Variants in CTNNA2 observed in about 807,000 individuals in gnomAD.
CTNNA2 encodes the protein catenin alpha 2.
CTNNA2 carries 42 observed loss-of-function variants against 101.0 expected under a neutral mutation model. That is an observed-to-expected ratio of 0.42 (90% CI 0.32 to 0.54). The LOEUF (loss-of-function observed/expected upper bound fraction) is 0.54, where lower values mean the gene tolerates loss of function less well. Among genes scored for constraint, CTNNA2 ranks in the 20% least tolerant of loss-of-function variants. CTNNA2 has a pLI of 0.14. For missense variants in CTNNA2, 871 were observed against 1,223.1 expected, an observed-to-expected ratio of 0.71 and a Z score of 4.29; for synonymous variants, 450 against 456.4, an observed-to-expected ratio of 0.99 and a Z score of 0.18.
chr2:80,631,340 T>C (rs1309306217), intron 18 of CTNNA2, among the ~76,000 whole-genome samples: 2 of 150,844 alleles, frequency 1.3e-5, no homozygotes, highest in African/African-American at 2.4e-5. Context: ...AACTTGAGGC[T>C]TTCTTTCAAA....
At chr2:79,198,643 A>C (rs1383958141) in intron 2 of CTNNA2, among the ~76,000 whole-genome samples, 2 of 152,226 alleles carry the variant, frequency 1.3e-5, no homozygotes, top group Non-Finnish European at 2.9e-5. Flanking sequence ...TAATTCTACC[A>C]TATAGCTCTT....
chr2:79,380,274 G>A (rs747292897), intron 4 of CTNNA2, among the ~76,000 whole-genome samples: 14 of 141,382 alleles, frequency 9.9e-5, no homozygotes, highest in Admixed American at 2.9e-4. Flanking sequence ...TTTTTTTTCC[G>A]TGACTAAGAA....
chr2:80,598,323 G>A (rs1010859328), intron 15 of CTNNA2, among the ~76,000 whole-genome samples: 1 of 152,128 alleles, frequency 6.6e-6, no homozygotes, highest in Non-Finnish European at 1.5e-5. Context: ...GCAAGGGAAG[G>A]AAGAGCATTA....
intron 1 of CTNNA2, among the ~76,000 whole-genome samples, chr2:79,521,820 C>G (rs1159236150): frequency 6.6e-6 from 1 of 152,052 alleles, no homozygotes; most frequent in Non-Finnish European, 1.5e-5. Flanking sequence ...CAACGTGGCA[C>G]AAGAAGGAGA....
chr2:79,201,643 G>C (rs752670125), intron 2 of CTNNA2, among the ~76,000 whole-genome samples: 4 of 152,086 alleles, frequency 2.6e-5, no homozygotes, highest in Non-Finnish European at 2.9e-5. Flanking sequence ...GGATTCTCTG[G>C]AGGGGGAGCT....
At chr2:80,454,356 T>G (rs1683780471) in intron 9 of CTNNA2, among the ~76,000 whole-genome samples, 1 of 152,084 alleles carries the variant, frequency 6.6e-6, no homozygotes, top group Non-Finnish European at 1.5e-5. Context: ...CGATGCAGAG[T>G]TCACCTCGGG....
intron 2 of CTNNA2, among the ~76,000 whole-genome samples, chr2:79,200,127 T>C (rs1674014025): frequency 6.6e-6 from 1 of 152,186 alleles, no homozygotes. Flanking sequence ...ATCCTGCCTG[T>C]AATCCCAGCA....
chr2:79,640,254 T>C (rs543346055), intron 1 of CTNNA2, among the ~76,000 whole-genome samples: 30 of 152,170 alleles, frequency 2.0e-4, no homozygotes, highest in African/African-American at 6.7e-4. Flanking sequence ...CCTAAAGAGG[T>C]TGGGACCTGA....
chr2:79,889,021 T>G (rs1684103279), intron 6 of CTNNA2, among the ~76,000 whole-genome samples: 1 of 152,246 alleles, frequency 6.6e-6, no homozygotes, highest in Admixed American at 6.5e-5. Flanking sequence ...AATACTTTAG[T>G]CTTTCTGTGT....
chr2:80,594,394 A>T (rs949568924), intron 15 of CTNNA2, among the ~76,000 whole-genome samples: 3 of 151,928 alleles, frequency 2.0e-5, no homozygotes, highest in Non-Finnish European at 4.4e-5. Flanking sequence ...CCGGATATTA[A>T]TTTCTTATCA....
intron 7 of CTNNA2, among the ~76,000 whole-genome samples, chr2:80,008,437 G>T (rs1693531747): frequency 6.6e-6 from 1 of 152,144 alleles, no homozygotes; most frequent in Non-Finnish European, 1.5e-5. Context: ...ATTAAGAGGA[G>T]GGGTGGCTGC....
At chr2:80,248,580 C>T (rs76341460) in intron 7 of CTNNA2, among the ~76,000 whole-genome samples, 8,007 of 152,216 alleles carry the variant, frequency 0.053, 414 homozygotes, top group South Asian at 0.28. Context: ...CTTTGTAGCC[C>T]AGTTTTGTCT....
At chr2:79,365,166 A>G (rs928105968) in intron 3 of CTNNA2, among the ~76,000 whole-genome samples, 1 of 152,090 alleles carries the variant, frequency 6.6e-6, no homozygotes, top group Non-Finnish European at 1.5e-5. Flanking sequence ...AGTCCCAGCT[A>G]CTCAGGAGAC....
At chr2:79,315,946 A>G (rs1454965084) in intron 3 of CTNNA2, among the ~76,000 whole-genome samples, 1 of 152,092 alleles carries the variant, frequency 6.6e-6, no homozygotes, top group African/African-American at 2.4e-5. Flanking sequence ...TTATAGCCAT[A>G]TATTTTCACT....
chr2:79,381,095 A>T (rs1171690696), intron 4 of CTNNA2, among the ~76,000 whole-genome samples: 1 of 152,188 alleles, frequency 6.6e-6, no homozygotes, highest in Non-Finnish European at 1.5e-5. Context: ...GTAACAATAA[A>T]CATTTGGCTT....
intron 4 of CTNNA2, among the ~76,000 whole-genome samples, chr2:79,436,559 TCTC>T (rs1558666237): frequency 6.6e-6 from 1 of 152,108 alleles, no homozygotes; most frequent in African/African-American, 2.4e-5. Flanking sequence ...ATTTTCAAAA[TCTC>T]CTCATGAGGT....
rs1038495939 is a variant in CTNNA2, at chr2:80,022,141, A to C, written c.1056+112344A>C. Among the ~76,000 whole-genome samples, 3 of 152,210 alleles carry C rather than the reference A, an allele frequency of 2.0e-5. No individual in the cohort carries two copies. In the East Asian group the frequency reaches 5.8e-4, roughly 29 times the overall value. On this transcript the variant is annotated intron_variant, in intron 7 of 18. Transcript: ENST00000402739. ...AACCTGCAGCTATAGTGCTGACAGC[A>C]CCGGTCATTGAAAATTAATCTTGTG...
intron 2 of CTNNA2, among the ~76,000 whole-genome samples, chr2:79,654,740 A>G (rs1681489726): frequency 6.6e-6 from 1 of 152,180 alleles, no homozygotes; most frequent in East Asian, 1.9e-4. Flanking sequence ...TATGAGATTC[A>G]TGCATATTTT....
chr2:79,400,787 ATATCC>A (rs1206291123), intron 4 of CTNNA2, among the ~76,000 whole-genome samples: 6 of 151,980 alleles, frequency 3.9e-5, no homozygotes, highest in Non-Finnish European at 7.4e-5. Context: ...ATTAATCTAC[ATATCC>A]AATTAGTTCA....
Sources: allele counts gnomAD v4.1 joint callset (sites outside exome capture counted in the v4.1 genomes callset), GRCh38; gene constraint gnomAD v4.1.1; transcripts MANE v1.5; gene names NCBI Gene and HGNC (gene_info 2026-07-23, HGNC 2026-07-21).